KDM5C: variants seen among roughly 807,000 people sequenced by gnomAD.
The protein encoded by KDM5C is lysine demethylase 5C.
KDM5C carries 16 observed loss-of-function variants against 110.6 expected under a neutral mutation model. The observed-to-expected ratio is 0.14, with a 90% CI of 0.10 to 0.22. KDM5C has a LOEUF of 0.22. Ranked by LOEUF, KDM5C falls within the 10% of genes least tolerant of loss-of-function variation. The pLI, the probability that KDM5C is intolerant of heterozygous loss-of-function variation, is 1.00. For synonymous variants in KDM5C, 511 were observed against 520.4 expected, an observed-to-expected ratio of 0.98 and a Z score of 0.24; for missense variants, 681 against 1,300.9, an observed-to-expected ratio of 0.52 and a Z score of 7.33.
exon 26 of KDM5C, among the ~76,000 whole-genome samples, chrX:53,176,572 T>C (rs1172929804): frequency 8.9e-6 from 1 of 111,790 alleles, no homozygotes; most frequent in Non-Finnish European, 1.9e-5. Context: ...TGTGGTGATA[T>C]GGGAGATTTC....
chrX:53,205,719 T>G (rs1429287331), intron 12 of KDM5C, among the ~76,000 whole-genome samples: 1 of 112,216 alleles, frequency 8.9e-6, no homozygotes, highest in Non-Finnish European at 1.9e-5. Flanking sequence ...TATTTACTCC[T>G]CTGTCCAGCA....
chrX:53,216,328 A>C, intron 5 of KDM5C, 131 bp from the exon 6 acceptor site: 1 of 959,893 alleles, frequency 1.0e-6, no homozygotes, highest in African/African-American at 1.9e-5. Context: ...GGCTAAGCCA[A>C]GAACTCAGAG....
intron 12 of KDM5C, chrX:53,202,461 A>G (rs2073170485): frequency 8.1e-6 from 1 of 123,378 alleles, no homozygotes; most frequent in Non-Finnish European, 1.7e-5. Context: ...CTATGTTAAA[A>G]ACAGCCTCCT....
At chrX:53,204,773 G>A (rs1652792257) in intron 12 of KDM5C, among the ~76,000 whole-genome samples, 1 of 112,034 alleles carries the variant, frequency 8.9e-6, no homozygotes, top group African/African-American at 3.2e-5. Flanking sequence ...TGGGATTACA[G>A]GCGTGAGCCA....
In KDM5C at chrX:53,211,399, T is replaced by A. The variant is rs782539191; in HGVS notation, c.1401+98A>T. The A allele has an allele frequency of 5.2e-4, 466 of 900,713 alleles. 1 individual carries two copies. The highest frequency in any genetic ancestry group is 6.1e-4 in the Non-Finnish European group (383 of 627,882). The allele number at this position is 900,713 out of a possible 1,213,427, so 74.2% of individuals were successfully genotyped here. A position where few individuals can be genotyped will look rare whatever the true frequency, so the allele number is the denominator to read the frequency against. ...ATCTCATGGCTACATAAGACAGGCA[T>A]AATTATCCTCATCTTACAGAGATAC... On this transcript the variant is annotated intron_variant, in intron 10 of 25. Coordinates refer to ENST00000375401, the MANE Select transcript of KDM5C (RefSeq NM_004187.5).
intron 2 of KDM5C, among the ~76,000 whole-genome samples, chrX:53,220,125 A>G (rs1275139085): frequency 8.9e-6 from 1 of 111,900 alleles, no homozygotes; most frequent in Admixed American, 9.5e-5. Context: ...TGGGTACATA[A>G]TAATGGGGGA....
chrX:53,198,325 G>A (rs1556839176), intron 17 of KDM5C, among the ~76,000 whole-genome samples, 165 bp downstream of exon 17: 1 of 111,837 alleles, frequency 8.9e-6, no homozygotes, highest in Non-Finnish European at 1.9e-5. Context: ...TGGTCTCCTT[G>A]TCCCCCCCAA....
downstream of KDM5C, among the ~76,000 whole-genome samples, chrX:53,189,682 CAG>C (rs1400780444): frequency 8.9e-6 from 1 of 112,674 alleles, no homozygotes; most frequent in Non-Finnish European, 1.9e-5. Context: ...GCAAAGGAAA[CAG>C]AGTCATATGC....
chrX:53,181,100 G>A (rs1934032796), intron 25 of KDM5C, among the ~76,000 whole-genome samples: 2 of 108,843 alleles, frequency 1.8e-5, no homozygotes, highest in Non-Finnish European at 3.8e-5. Context: ...TTAGAGGTGT[G>A]AGCCACCACG....
rs45494602 is a variant in KDM5C, at chrX:53,194,751, G to T, written c.3439-13C>A. 48 of 1,207,459 alleles carry T rather than the reference G, an allele frequency of 4.0e-5. No homozygotes were observed. The highest frequency in any genetic ancestry group is 5.3e-5 in the Non-Finnish European group (47 of 894,435). ...TGAAGGCCACGATCTGCCATACCCA[G>T]GACAGGAGCAAAGTGGGTCAGCAGC... On this transcript the variant is annotated splice_polypyrimidine_tract_variant and intron_variant, in intron 22 of 25. Coordinates refer to ENST00000375401, the MANE Select transcript of KDM5C (RefSeq NM_004187.5).
chrX:53,224,712 G>T (rs1556856087), intron 1 of KDM5C, 28 bp downstream of exon 1: 1 of 1,210,304 alleles, frequency 8.3e-7, no homozygotes, highest in Non-Finnish European at 1.1e-6. Context: ...CCGTCTCGCC[G>T]CCGGCGAAAA....
At chrX:53,221,604 T>A (rs1310432450) in intron 1 of KDM5C, 5 of 481,429 alleles carry the variant, frequency 1.0e-5, no homozygotes, top group African/African-American at 7.4e-5. Context: ...GGGCCTTTAA[T>A]GTTTGTTCTC....
intron 2 of KDM5C, among the ~76,000 whole-genome samples, chrX:53,219,538 A>G (rs2146957498): frequency 8.9e-6 from 1 of 112,418 alleles, no homozygotes; most frequent in East Asian, 2.8e-4. Flanking sequence ...AAGGACTCCC[A>G]TAGGCCCCAA....
rs782360019 is a variant in KDM5C, at chrX:53,192,866, C to CA, written c.*100_*101insT. 5 of 804,454 alleles carry CA rather than the reference C, an allele frequency of 6.2e-6. No homozygotes were observed. Among genetic ancestry groups the CA allele is most frequent in the Non-Finnish European group, 6.7e-6 (4 of 597,231 alleles). 66.3% of individuals were successfully genotyped at this position (804,454 alleles called of 1,213,427 possible). On this transcript the variant is annotated 3_prime_UTR_variant, in exon 26 of 26. Coordinates refer to ENST00000375401, the MANE Select transcript of KDM5C (RefSeq NM_004187.5). ...GGCGGGTAGCAGGGATGGCCACCCCCCTACCCGCCCACCCCCCAAGAAGCA... is the reference window on the plus strand; with the variant it reads ...GGCGGGTAGCAGGGATGGCCACCCCCACTACCCGCCCACCCCCCAAGAAGCA...
intron 4 of KDM5C, 59 bp downstream of exon 4, chrX:53,217,737 A>G: frequency 8.7e-7 from 1 of 1,150,674 alleles, no homozygotes; most frequent in South Asian, 1.8e-5. Context: ...ATTAAGAGCA[A>G]GTGTGGAAAT....
At chrX:53,194,105 A>T (rs1301853689) in intron 23 of KDM5C, 34 bp downstream of exon 23, 35 of 1,180,827 alleles carry the variant, frequency 3.0e-5, no homozygotes, top group Non-Finnish European at 3.6e-5. Context: ...AGGAGACAAG[A>T]ATCTGAGGAC....
intron 19 of KDM5C, among the ~76,000 whole-genome samples, chrX:53,196,269 T>C (rs1934846352): frequency 8.9e-6 from 1 of 112,428 alleles, no homozygotes; most frequent in Non-Finnish European, 1.9e-5. Flanking sequence ...GCCACAGCTC[T>C]TGCACCTCTG....
At chrX:53,217,403 CCT>C (rs2073776254) in intron 4 of KDM5C, 126 bp from the exon 5 acceptor site, 4 of 802,298 alleles carry the variant, frequency 5.0e-6, no homozygotes, top group Non-Finnish European at 7.3e-6. Flanking sequence ...ACCAACAGCC[CCT>C]GTTCCACTGG....
chrX:53,190,764 G>C (rs782011913), downstream of KDM5C, among the ~76,000 whole-genome samples: 182 of 111,847 alleles, frequency 1.6e-3, 1 homozygote, highest in Non-Finnish European at 2.4e-3. Context: ...AAAGCTGCCA[G>C]AAGAGGGCGG....
Sources: allele counts gnomAD v4.1 joint callset (sites outside exome capture counted in the v4.1 genomes callset), GRCh38; gene constraint gnomAD v4.1.1; transcripts MANE v1.5; gene names NCBI Gene and HGNC (gene_info 2026-07-23, HGNC 2026-07-21).